ALG13: variants seen among roughly 807,000 people sequenced by gnomAD.
ALG13 encodes the protein UDP-N-acetylglucosamine transferase subunit ALG13.
A neutral mutation model predicts 87.8 loss-of-function variants in ALG13; 11 were observed. The observed-to-expected ratio is 0.13, with a 90% CI of 0.08 to 0.21. ALG13 has a LOEUF of 0.21. ALG13 is among the 10% of genes least tolerant of loss of function. ALG13 has a pLI of 1.00. For synonymous variants in ALG13, 320 were observed against 306.3 expected, an observed-to-expected ratio of 1.04 and a Z score of -0.47; for missense variants, 756 against 866.1, an observed-to-expected ratio of 0.87 and a Z score of 1.60.
chrX:111,695,522 T>TAAA (rs750000273), intron 3 of ALG13, among the ~76,000 whole-genome samples: 2 of 92,585 alleles, frequency 2.2e-5, no homozygotes, highest in Admixed American at 1.2e-4. Flanking sequence ...AAACTCTGTT[T>TAAA]AAAAAAAAAA....
In ALG13 at chrX:111,759,970, G is replaced by C; in HGVS notation, c.3385G>C (p.Ala1129Pro). 5 of 1,210,672 alleles carry C rather than the reference G, an allele frequency of 4.1e-6. No homozygotes were observed. The highest frequency in any genetic ancestry group is 5.6e-6 in the Non-Finnish European group (5 of 895,126). The change falls in exon 27 of 27, where the codon GCT (alanine) becomes CCT (proline). Residue 1129 changes from alanine to proline, a missense_variant. Coordinates refer to ENST00000394780, the MANE Select transcript of ALG13 (RefSeq NM_001099922.3). ...TGGCTGTATTGCTCCATCTCCCCCAGCTTCTCATTATGTACCTCAGGGTAT... is the reference window on the plus strand; with the variant it reads ...TGGCTGTATTGCTCCATCTCCCCCACCTTCTCATTATGTACCTCAGGGTAT... ...PIGCIAPSPPASHYVPQGM is the reference protein window; with the variant it reads ...PIGCIAPSPPPSHYVPQGM
rs1252713074 is a variant in ALG13, at chrX:111,689,046, A to G, written c.383+3943A>G. The G allele has an allele frequency of 1.0e-5, 7 of 702,256 alleles. No homozygotes were observed. In the South Asian group the frequency reaches 2.9e-4, roughly 30 times the overall value. The allele number at this position is 702,256 out of a possible 1,213,427, so 57.9% of individuals were successfully genotyped here. A position where few individuals can be genotyped will look rare whatever the true frequency, so the allele number is the denominator to read the frequency against. ...CATTTTATTTGGAATGCATTTTATCATGTTTTTATAGGTTTATTTTTCTGA... is the reference window on the plus strand; with the variant it reads ...CATTTTATTTGGAATGCATTTTATCGTGTTTTTATAGGTTTATTTTTCTGA... On this transcript the variant is annotated intron_variant, in intron 3 of 26. Coordinates refer to ENST00000394780, the MANE Select transcript of ALG13 (RefSeq NM_001099922.3).
intron 8 of ALG13, among the ~76,000 whole-genome samples, chrX:111,715,163 G>A (rs374946209): frequency 8.9e-6 from 1 of 111,829 alleles, no homozygotes; most frequent in East Asian, 2.8e-4. Flanking sequence ...TGGGAACCAT[G>A]AGAATACAAA....
At chrX:111,693,851 C>G (rs964993610) in intron 3 of ALG13, among the ~76,000 whole-genome samples, 1 of 110,546 alleles carries the variant, frequency 9.0e-6, no homozygotes, top group African/African-American at 3.3e-5. Flanking sequence ...CAGTGACTTT[C>G]AGAAAGTTTG....
rs911128853 is a variant in ALG13 at position 111,683,785 on chromosome X, A to G, written c.245-1180A>G. ...ATTGATCCTAATATTCTATATTTGC[A>G]TATTCATGGAGATCTATCCTTGACT... On this transcript the variant is annotated intron_variant, in intron 2 of 26. Transcript: ENST00000394780. Among the ~76,000 whole-genome samples the G allele has an allele frequency of 3.6e-5, 4 of 112,139 alleles. No individual in the cohort carries two copies. The East Asian group carries it at 1.1e-3, about 31-fold the overall frequency.
intron 8 of ALG13, 28 bp downstream of exon 8, chrX:111,713,325 T>C (rs1569516439): frequency 3.9e-6 from 4 of 1,017,514 alleles, no homozygotes; most frequent in African/African-American, 1.8e-5. Flanking sequence ...TGTTGACTTA[T>C]ATAAAAGAAG....
intron 15 of ALG13, among the ~76,000 whole-genome samples, chrX:111,726,227 G>GTTTTTT (rs1448726593): frequency 1.2e-5 from 1 of 83,737 alleles, no homozygotes; most frequent in Non-Finnish European, 2.2e-5. Flanking sequence ...TTACAGGCGT[G>GTTTTTT]TTTTGTTTTT....
chrX:111,684,975 C>T lies in ALG13; in HGVS notation c.255C>T (p.Ser85=), dbSNP rs771286138. The T allele has an allele frequency of 1.2e-5, 14 of 1,204,694 alleles. No individual in the cohort carries two copies. The African/African-American group carries it at 2.5e-4, about 21-fold the overall frequency. Residue 85 remains serine (S), a synonymous_variant, in exon 3 of 27, where the codon AGC becomes AGT. Coordinates refer to ENST00000394780, the MANE Select transcript of ALG13 (RefSeq NM_001099922.3). ...DLVISHAGAG[S]CLETLEKGKP... is the part of the protein sequence containing the mutation. Reference sequence around the variant, plus strand: ...GATTTATATTTGTAGGTGCAGGAAGCTGTTTGGAGACTCTGGAAAAAGGAA... The same window carrying T: ...GATTTATATTTGTAGGTGCAGGAAGTTGTTTGGAGACTCTGGAAAAAGGAA...
rs1206750653 is a variant in ALG13, at chrX:111,682,164, C to G, written c.114C>G (p.Ile38Met). ...AGAGCCTTGGTTACAACCGACTTAT[C>G]CTGCAAATTGGTAGAGGAACGGTGG... ...KIESLGYNRL[I>M]LQIGRGTVVP... Residue 38 changes from isoleucine to methionine, a missense_variant, in exon 2 of 27, where the codon ATC becomes ATG. Ile to Met is a conservative substitution (Grantham distance 10, BLOSUM62 1). Transcript: ENST00000394780. The G allele has an allele frequency of 8.4e-7, 1 of 1,193,935 alleles. No homozygotes were observed. The highest frequency in any genetic ancestry group is 1.1e-6 in the Non-Finnish European group (1 of 887,933).
At chrX:111,683,992 G>T (rs1292874392) in intron 2 of ALG13, among the ~76,000 whole-genome samples, 1 of 111,842 alleles carries the variant, frequency 8.9e-6, no homozygotes, top group Non-Finnish European at 1.9e-5. Flanking sequence ...CATGCCCAAA[G>T]CATACTCCAG....
At chrX:111,708,481 A>T in intron 4 of ALG13, 88 bp downstream of exon 4, 1 of 1,061,389 alleles carries the variant, frequency 9.4e-7, no homozygotes, top group Non-Finnish European at 1.3e-6. Flanking sequence ...AAACAAAAAA[A>T]TTCCCCTGCT....
At chrX:111,713,881 ATTGT>A (rs1221243611) in intron 8 of ALG13, among the ~76,000 whole-genome samples, 1 of 112,344 alleles carries the variant, frequency 8.9e-6, no homozygotes, top group African/African-American at 3.2e-5. Context: ...CAGCAGATAA[ATTGT>A]TTGTCAGCAT....
At chrX:111,718,304 A>G (rs1476434253) in intron 10 of ALG13, 30 bp downstream of exon 10, 2 of 1,126,441 alleles carry the variant, frequency 1.8e-6, no homozygotes, top group Non-Finnish European at 2.4e-6. Flanking sequence ...TATCATGATA[A>G]TTATGTTTCA....
chrX:111,744,786 T>A lies in ALG13; in HGVS notation c.2814T>A (p.Pro938=). The A allele has an allele frequency of 4.6e-6, 4 of 869,134 alleles. No individual in the cohort carries two copies. The highest frequency in any genetic ancestry group is 5.9e-6 in the Non-Finnish European group (4 of 679,322). 71.6% of individuals were successfully genotyped at this position (869,134 alleles called of 1,213,427 possible). A position where few individuals can be genotyped will look rare whatever the true frequency, so the allele number is the denominator to read the frequency against. The change falls in exon 24 of 27, where the codon CCT becomes CCA. Residue 938 remains proline (P), a synonymous_variant. Coordinates refer to ENST00000394780, the MANE Select transcript of ALG13 (RefSeq NM_001099922.3). ...PPPPPPPPPP[P]PPPPPPPALD... ...CACCACCACCTCCTCCTCCTCCTCC[T>A]CCTCCTCCTCCTCCTCCTCCTGCTC...
At chrX:111,709,281 A>T (rs1490278593) in intron 5 of ALG13, among the ~76,000 whole-genome samples, 3 of 111,680 alleles carry the variant, frequency 2.7e-5, no homozygotes, top group Non-Finnish European at 5.6e-5. Flanking sequence ...CCCACTACTT[A>T]CCTCGTCCTA....
intron 24 of ALG13, among the ~76,000 whole-genome samples, chrX:111,745,817 C>G (rs1944190164): frequency 1.8e-5 from 2 of 111,036 alleles, no homozygotes; most frequent in South Asian, 7.6e-4. Context: ...ATAGTGGTAT[C>G]ATTTCCACCT....
chrX:111,713,286 T>C lies in ALG13; in HGVS notation c.994T>C (p.Tyr332His), dbSNP rs1309760299. Residue 332 changes from tyrosine (Y) to histidine (H), a missense_variant, in exon 8 of 27, where the codon TAT becomes CAT. Coordinates refer to ENST00000394780, the MANE Select transcript of ALG13 (RefSeq NM_001099922.3). ...KPPTYVTDNG[Y>H]EDKILLCYSS... Reference sequence around the variant, plus strand: ...TCCAACTTATGTCACAGATAATGGCTATGAAGACAAGGTAAGAAGATGAGT... The same window carrying C: ...TCCAACTTATGTCACAGATAATGGCCATGAAGACAAGGTAAGAAGATGAGT... 1.7e-6 allele frequency: 2 copies of C among 1,178,781 alleles called. No homozygotes were observed. The highest frequency in any genetic ancestry group is 2.3e-6 in the Non-Finnish European group (2 of 869,852).
chrX:111,694,632 G>T lies in ALG13; in HGVS notation c.383+9529G>T, dbSNP rs889233075. ...GTTAAGTGTGCTACTAAAGTACTTG[G>T]TTGCAGGACCCTGATAGTCACTGTT... On this transcript the variant is annotated intron_variant, in intron 3 of 26. Coordinates refer to ENST00000394780, the MANE Select transcript of ALG13 (RefSeq NM_001099922.3). Among the ~76,000 whole-genome samples, 4 of 111,995 alleles carry T rather than the reference G, an allele frequency of 3.6e-5. No individual in the cohort carries two copies. The East Asian group carries it at 1.1e-3, about 31-fold the overall frequency.
chrX:111,722,907 G>C, intron 13 of ALG13, 50 bp downstream of exon 13: 1 of 904,996 alleles, frequency 1.1e-6, no homozygotes, highest in Non-Finnish European at 1.6e-6. Flanking sequence ...TGTGCTTTTT[G>C]TCATGATATG....
Sources: gnomAD v4.1 joint callset for allele counts (sites outside exome capture counted in the v4.1 genomes callset) on GRCh38, gnomAD v4.1.1 for gene constraint, MANE v1.5 for transcripts, NCBI Gene and HGNC (gene_info 2026-07-23, HGNC 2026-07-21) for gene names.